The following ADAMTS16 variants were observed in gnomAD, a reference collection of about 807,000 sequenced individuals.
ADAMTS16 encodes A disintegrin and metalloproteinase with thrombospondin motifs 16.
In ADAMTS16, 94 loss-of-function variants were observed where a neutral mutation model predicts 145.8. The observed-to-expected ratio is 0.64, with a 90% CI of 0.55 to 0.77. ADAMTS16 has a LOEUF of 0.77. Among genes scored for constraint, ADAMTS16 ranks in the 30% least tolerant of loss-of-function variants. The pLI, the probability that ADAMTS16 is intolerant of heterozygous loss-of-function variation, is 0.00. For missense variants in ADAMTS16, 1,585 were observed against 1,591.5 expected (o/e 1.00, Z 0.07); for synonymous variants, 659 against 604.3 (o/e 1.09, Z -1.33).
At chr5:5,186,891 A>G (rs1735517711) in intron 5 of ADAMTS16, among the ~76,000 whole-genome samples, 1 of 152,230 alleles carries the variant, frequency 6.6e-6, no homozygotes, top group African/African-American at 2.4e-5. Context: ...CAATATTTTA[A>G]AAGTATGTCT....
At chr5:5,208,540 G>A (rs1159566600) in intron 9 of ADAMTS16, among the ~76,000 whole-genome samples, 4 of 152,084 alleles carry the variant, frequency 2.6e-5, no homozygotes, top group African/African-American at 4.8e-5. Context: ...GCTTGACTTG[G>A]GGGTCATCAG....
At position 5,140,403 on chromosome 5, in the gene ADAMTS16, T is replaced by C; in HGVS notation, c.-65T>C. ...CGCTCTGCCTGGGTCGGGTCCTCCC[T>C]GCCCGCTCGCACGCTGCCGGCCGGG... On this transcript the variant is annotated 5_prime_UTR_variant, in exon 1 of 23. Coordinates refer to ENST00000274181, the MANE Select transcript of ADAMTS16 (RefSeq NM_139056.4). 1 of 1,462,938 alleles carries C rather than the reference T, an allele frequency of 6.8e-7. No homozygotes were observed. The highest frequency in any genetic ancestry group is 9.0e-7 in the Non-Finnish European group (1 of 1,109,162). The allele number at this position is 1,462,938 out of a possible 1,614,324, so 90.6% of individuals were successfully genotyped here.
At chr5:5,294,773 A>G (rs1369345219) in intron 18 of ADAMTS16, among the ~76,000 whole-genome samples, 1 of 152,184 alleles carries the variant, frequency 6.6e-6, no homozygotes, top group East Asian at 1.9e-4. Flanking sequence ...AGGCTGGAGG[A>G]TGAAGCCAGG....
At chr5:5,150,488 G>T (rs1258160652) in intron 3 of ADAMTS16, among the ~76,000 whole-genome samples, 1 of 152,220 alleles carries the variant, frequency 6.6e-6, no homozygotes, top group Non-Finnish European at 1.5e-5. Context: ...GTCTGTGCAT[G>T]CAACATGGCT....
intron 18 of ADAMTS16, among the ~76,000 whole-genome samples, chr5:5,266,913 G>A (rs1738258910): frequency 6.6e-6 from 1 of 152,172 alleles, no homozygotes; most frequent in African/African-American, 2.4e-5. Flanking sequence ...GGAAATCTAA[G>A]CAGTCTTATG....
At chr5:5,226,090 G>T (rs1736758378) in intron 11 of ADAMTS16, among the ~76,000 whole-genome samples, 1 of 152,144 alleles carries the variant, frequency 6.6e-6, no homozygotes, top group African/African-American at 2.4e-5. Flanking sequence ...ATGGGAGGCG[G>T]TTTTTGCACG....
In ADAMTS16 at chr5:5,320,015, C is replaced by T. The variant is rs1734223298; in HGVS notation, c.*877C>T. 1 of 437,854 alleles carries T rather than the reference C, an allele frequency of 2.3e-6. No individual in the cohort carries two copies. The highest frequency in any genetic ancestry group is 1.7e-5 in the South Asian group (1 of 60,384). The allele number at this position is 437,854 out of a possible 1,614,324, so 27.1% of individuals were successfully genotyped here. A position where few individuals can be genotyped will look rare whatever the true frequency, so the allele number is the denominator to read the frequency against. On this transcript the variant is annotated 3_prime_UTR_variant, in exon 23 of 23. Coordinates refer to ENST00000274181, the MANE Select transcript of ADAMTS16 (RefSeq NM_139056.4). This position sits in a 1 kb window ranked among gnomAD's most constrained non-coding sequence, Gnocchi z 5.1. ...GTTATGGTTCTATTATAGCAGACGT[C>T]AGCCACACAGCCTATGTGACAATAA...
At position 5,237,055 on chromosome 5, in the gene ADAMTS16, T is replaced by C. The variant is rs761712956; in HGVS notation, c.2110T>C (p.Cys704Arg). The C allele has an allele frequency of 5.4e-5, 87 of 1,614,176 alleles. No homozygotes were observed. The highest frequency in any genetic ancestry group is 4.5e-4 in the South Asian group (41 of 91,088). The change falls in exon 14 of 23, where the codon TGC (cysteine) becomes CGC (arginine). Residue 704 changes from cysteine to arginine, a missense_variant. Cys to Arg is a radical substitution (Grantham distance 180, BLOSUM62 -3). This residue lies in a region of ADAMTS16 where 834 missense variants were observed against 811.7 expected (regional missense o/e 1.03). Coordinates refer to ENST00000274181, the MANE Select transcript of ADAMTS16 (RefSeq NM_139056.4). ...AAATAAAGTCAAAGATGGGACTCCA[T>C]GCTCGGAGGATAGCCGTAATGTTTG... ...LSNKVKDGTP[C>R]SEDSRNVCID... is the part of the protein sequence containing the mutation.
At chr5:5,292,923 C>T (rs529454916) in intron 18 of ADAMTS16, among the ~76,000 whole-genome samples, 2 of 152,310 alleles carry the variant, frequency 1.3e-5, no homozygotes, top group East Asian at 1.9e-4. Flanking sequence ...ATGGGCCCCA[C>T]GTGGTGTCTG....
rs1057433028 is a variant in ADAMTS16, at chr5:5,193,947, A to T, written c.1313+2157A>T. Among the ~76,000 whole-genome samples, 5 of 151,840 alleles carry T rather than the reference A, an allele frequency of 3.3e-5. No homozygotes were observed. In the South Asian group the frequency reaches 6.3e-4, roughly 19 times the overall value. On this transcript the variant is annotated intron_variant, in intron 8 of 22. Transcript: ENST00000274181. ...AAGACCCCATTTCTACAATAAATTT[A>T]AAAAATTAGCCAGGCATGGTGGTGT...
At chr5:5,177,360 G>T (rs998080101) in intron 3 of ADAMTS16, among the ~76,000 whole-genome samples, 11 of 152,286 alleles carry the variant, frequency 7.2e-5, no homozygotes, top group African/African-American at 2.4e-4. Context: ...GGACTTCTTT[G>T]GGTTTAAGAT....
intron 3 of ADAMTS16, among the ~76,000 whole-genome samples, chr5:5,161,779 A>T (rs1479853873): frequency 6.6e-6 from 1 of 152,220 alleles, no homozygotes; most frequent in Non-Finnish European, 1.5e-5. Flanking sequence ...TTTCTATCAT[A>T]GGAAGAGCAG....
chr5:5,194,297 G>A (rs1357843332), intron 8 of ADAMTS16, among the ~76,000 whole-genome samples: 1 of 152,140 alleles, frequency 6.6e-6, no homozygotes, highest in Non-Finnish European at 1.5e-5. Context: ...TATCTATCAT[G>A]TGCTAAATGC....
chr5:5,222,840 A>G lies in ADAMTS16; in HGVS notation c.1657A>G (p.Lys553Glu), dbSNP rs1369930857. 6.2e-7 allele frequency: 1 copy of G among 1,614,046 alleles called. No individual in the cohort carries two copies. The highest frequency in any genetic ancestry group is 1.1e-5 in the South Asian group (1 of 91,088). ...TCGTATTGGAAGGAAATGTGAGACT[A>G]AATTTATGCCAGCAGCAGAAGGCAC... Reference protein sequence around the residue: ...CHRIGRKCETKFMPAAEGTIC... With the variant: ...CHRIGRKCETEFMPAAEGTIC... Residue 553 changes from lysine to glutamate, a missense_variant, in exon 11 of 23, where the codon AAA becomes GAA. By Grantham distance (56) the Lys-to-Glu change is moderately conservative. This residue lies in a region of ADAMTS16 where 298 missense variants were observed against 367.6 expected (regional missense o/e 0.81). Transcript: ENST00000274181.
chr5:5,195,558 A>G (rs1364748007), intron 8 of ADAMTS16, among the ~76,000 whole-genome samples: 1 of 152,212 alleles, frequency 6.6e-6, no homozygotes, highest in African/African-American at 2.4e-5. Flanking sequence ...CGTAGCTCAT[A>G]TATGCAAGTG....
chr5:5,182,784 T>A lies in ADAMTS16; in HGVS notation c.763+479T>A, dbSNP rs541834400. ...TTATCACCAAAGCTTTATCAGAGTCTTTTTTTGTCATGAACATTTAGGAAA... is the reference window on the plus strand; with the variant it reads ...TTATCACCAAAGCTTTATCAGAGTCATTTTTTGTCATGAACATTTAGGAAA... On this transcript the variant is annotated intron_variant, in intron 4 of 22. Coordinates refer to ENST00000274181, the MANE Select transcript of ADAMTS16 (RefSeq NM_139056.4). Among the ~76,000 whole-genome samples the A allele has an allele frequency of 3.5e-5, 3 of 85,332 alleles. No individual in the cohort carries two copies. The East Asian group carries it at 1.1e-3, about 32-fold the overall frequency. The allele number at this position is 85,332 out of a possible 152,430, so 56.0% of individuals were successfully genotyped here.
chr5:5,155,247 T>C (rs553341740), intron 3 of ADAMTS16, among the ~76,000 whole-genome samples: 6 of 151,608 alleles, frequency 4.0e-5, no homozygotes, highest in African/African-American at 1.5e-4. Flanking sequence ...AAGGAACAGA[T>C]AGGAAGTCTG....
chr5:5,153,061 C>T (rs1202250233), intron 3 of ADAMTS16, among the ~76,000 whole-genome samples: 1 of 152,220 alleles, frequency 6.6e-6, no homozygotes, highest in Non-Finnish European at 1.5e-5. Context: ...ATTTCACTTC[C>T]CTTAATCATG....
intron 18 of ADAMTS16, among the ~76,000 whole-genome samples, chr5:5,293,116 A>G (rs1330385430): frequency 6.6e-6 from 1 of 152,238 alleles, no homozygotes; most frequent in East Asian, 1.9e-4. Context: ...GCCTGGGTGC[A>G]GGTGTCAGGA....
Sources: gnomAD v4.1 joint callset for allele counts (sites outside exome capture counted in the v4.1 genomes callset) on GRCh38, gnomAD v4.1.1 for gene constraint, gnomAD v4.1.1 regional missense constraint, Gnocchi (gnomAD v3.1) non-coding constraint, MANE v1.5 for transcripts, NCBI Gene and HGNC (gene_info 2026-07-23, HGNC 2026-07-21) for gene names.